Variants in ZNF518B observed in about 807,000 individuals in gnomAD.
The protein encoded by ZNF518B is zinc finger protein 518B.
ZNF518B carries 23 observed loss-of-function variants against 56.3 expected under a neutral mutation model. The observed-to-expected ratio is 0.41, with a 90% CI of 0.29 to 0.58. The LOEUF is 0.58. Among genes scored for constraint, ZNF518B ranks in the 20% least tolerant of loss-of-function variants. The pLI is 0.32. For synonymous variants in ZNF518B, 529 were observed against 465.9 expected (o/e 1.14, Z -1.74); for missense variants, 1,460 against 1,272.1 (o/e 1.15, Z -2.25).
At chr4:10,446,817 C>G (rs1577223313) in intron 2 of ZNF518B, among the ~76,000 whole-genome samples, 2 of 152,140 alleles carry the variant, frequency 1.3e-5, no homozygotes, top group African/African-American at 2.4e-5. Flanking sequence ...TTCAGGACAG[C>G]CTTTGGTCAG....
intron 2 of ZNF518B, chr4:10,451,588 G>C (rs1249741411): frequency 2.0e-5 from 3 of 150,224 alleles, no homozygotes; most frequent in Non-Finnish European, 4.5e-5. Flanking sequence ...CAATCACATA[G>C]TCAGAGGGGC....
chr4:10,443,231 T>C lies in ZNF518B; in HGVS notation c.3098A>G (p.Gln1033Arg). 1.2e-6 allele frequency: 2 copies of C among 1,614,230 alleles called. No homozygotes were observed. The highest frequency in any genetic ancestry group is 1.7e-6 in the Non-Finnish European group (2 of 1,180,028). ...ACAAAACCAGCACTTAAATACACAC[T>C]GTGAAGAATCATCAGGCAAGGAATC... ...VVDSLPDDSS[Q>R]CVFKCWFCGR... Residue 1033 changes from glutamine to arginine, a missense_variant, in exon 3 of 3, where the codon CAG becomes CGG. Coordinates refer to ENST00000326756, the MANE Select transcript of ZNF518B (RefSeq NM_053042.3).
At chr4:10,456,896 C>G (rs1165650168) in intron 1 of ZNF518B, among the ~76,000 whole-genome samples, 1 of 151,820 alleles carries the variant, frequency 6.6e-6, no homozygotes, top group Non-Finnish European at 1.5e-5. Flanking sequence ...GAGCGCAGGC[C>G]GGGCCAGCGG....
At chr4:10,451,251 A>G (rs990142847) in intron 2 of ZNF518B, 1 of 152,228 alleles carries the variant, frequency 6.6e-6, no homozygotes, top group Non-Finnish European at 1.5e-5. Context: ...AAAAAACATA[A>G]AAGACTGTGT....
chr4:10,443,385 G>A lies in ZNF518B; in HGVS notation c.2944C>T (p.Gln982Ter). 1 of 1,614,198 alleles carries A rather than the reference G, an allele frequency of 6.2e-7. No individual in the cohort carries two copies. The highest frequency in any genetic ancestry group is 1.1e-5 in the South Asian group (1 of 91,080). ...KVVLSERTRC[Q>*]LGIRRHHVRL... ...ACATGATGCCGTCTGATGCCTAGCTGACACCTAGTCCTCTCTGATAAAACA... is the reference window on the plus strand; with the variant it reads ...ACATGATGCCGTCTGATGCCTAGCTAACACCTAGTCCTCTCTGATAAAACA... The change falls in exon 3 of 3, where the codon CAG becomes TAG. Residue 982 changes from glutamine to a stop codon, truncating the protein, a stop_gained. Transcript: ENST00000326756. LOFTEE classifies it high-confidence loss of function.
Position 10,445,493 on chromosome 4 carries a change from G to C in ZNF518B, c.836C>G (p.Pro279Arg), listed in dbSNP as rs1457766178. 1.2e-6 allele frequency: 2 copies of C among 1,614,152 alleles called. No homozygotes were observed. The highest frequency in any genetic ancestry group is 2.2e-5 in the East Asian group (1 of 44,888). The change falls in exon 3 of 3, where the codon CCT (proline) becomes CGT (arginine). Residue 279 changes from proline to arginine, a missense_variant. Transcript: ENST00000326756. ...ATCTTTTTGGTATTCCTTTGGTTCAGGTAACAACATGATATTGTGCATTTT... is the reference window on the plus strand; with the variant it reads ...ATCTTTTTGGTATTCCTTTGGTTCACGTAACAACATGATATTGTGCATTTT... The part of the protein sequence containing the change: ...KDKMHNIMLL[P>R]EPKEYQKDVV...
rs1465097038 is a variant in ZNF518B at position 10,440,943 on chromosome 4, G to A, written c.*2161C>T. 1 of 151,338 alleles carries A rather than the reference G, an allele frequency of 6.6e-6. No individual in the cohort carries two copies. Among genetic ancestry groups the A allele is most frequent in the Non-Finnish European group, 1.5e-5 (1 of 67,860 alleles). 9.4% of individuals were successfully genotyped at this position (151,338 alleles called of 1,614,324 possible). A position where few individuals can be genotyped will look rare whatever the true frequency, so the allele number is the denominator to read the frequency against. ...GGGAGCTATTTTTCATGCCACAGGA[G>A]TACAATATATAACATGGATAAAACT... On this transcript the variant is annotated 3_prime_UTR_variant, in exon 3 of 3. Transcript: ENST00000326756.
upstream of ZNF518B, among the ~76,000 whole-genome samples, chr4:10,458,393 G>A (rs901561953): frequency 6.6e-6 from 1 of 152,230 alleles, no homozygotes; most frequent in Non-Finnish European, 1.5e-5. Context: ...GGCGGCCAAA[G>A]GTCGGCGTGC....
In ZNF518B at chr4:10,446,396, G is replaced by A. The variant is rs571681099; in HGVS notation, c.-68C>T. 8.1e-5 allele frequency: 118 copies of A among 1,455,806 alleles called. No homozygotes were observed. The African/African-American group carries it at 1.4e-3, about 17-fold the overall frequency. 90.2% of individuals were successfully genotyped at this position (1,455,806 alleles called of 1,614,324 possible). A position where few individuals can be genotyped will look rare whatever the true frequency, so the allele number is the denominator to read the frequency against. On this transcript the variant is annotated 5_prime_UTR_variant, in exon 3 of 3. Transcript: ENST00000326756. ...TTTTCACATGATAAAATCCTTAGGAGATATCCTTCTATACAGTTTGTGATG... is the reference window on the plus strand; with the variant it reads ...TTTTCACATGATAAAATCCTTAGGAAATATCCTTCTATACAGTTTGTGATG...
At chr4:10,459,152 CAA>C (rs1715664371), upstream of ZNF518B, among the ~76,000 whole-genome samples, 1 of 152,150 alleles carries the variant, frequency 6.6e-6, no homozygotes, top group Admixed American at 6.5e-5. Context: ...CAACATTAAA[CAA>C]GAGAAAGCAA....
At position 10,445,739 on chromosome 4, in the gene ZNF518B, T is replaced by C. The variant is rs1166410825; in HGVS notation, c.590A>G (p.Tyr197Cys). 6 of 1,614,200 alleles carry C rather than the reference T, an allele frequency of 3.7e-6. No homozygotes were observed. The highest frequency in any genetic ancestry group is 4.5e-5 in the East Asian group (2 of 44,886). Residue 197 changes from tyrosine (Y) to cysteine (C), a missense_variant, in exon 3 of 3, where the codon TAT becomes TGT. By Grantham distance (194) the Tyr-to-Cys change is radical. Coordinates refer to ENST00000326756, the MANE Select transcript of ZNF518B (RefSeq NM_053042.3). ...AATATAATCATTTCTAATAGCACCA[T>C]AGTCACAATACTCACACTGATAAGG... ...IFPYQCEYCD[Y>C]GAIRNDYIVK...
At position 10,445,222 on chromosome 4, in the gene ZNF518B, A is replaced by T. The variant is rs1714936486; in HGVS notation, c.1107T>A (p.Asn369Lys). Residue 369 changes from asparagine (N) to lysine (K), a missense_variant, in exon 3 of 3, where the codon AAT (asparagine) becomes AAA (lysine). Coordinates refer to ENST00000326756, the MANE Select transcript of ZNF518B (RefSeq NM_053042.3). ...TATCCCTCCCAGCTTCAAGGCAATTATTTTCTTCCAGCGGAAACAGTTTCA... is the reference window on the plus strand; with the variant it reads ...TATCCCTCCCAGCTTCAAGGCAATTTTTTTCTTCCAGCGGAAACAGTTTCA... ...LVLKLFPLEE[N>K]NCLEAGRDNG... is the part of the protein sequence containing the mutation. 6.2e-7 allele frequency: 1 copy of T among 1,614,158 alleles called. No homozygotes were observed. Among genetic ancestry groups the T allele is most frequent in the Non-Finnish European group, 8.5e-7 (1 of 1,180,042 alleles).
chr4:10,447,150 T>C (rs771908994), intron 2 of ZNF518B, among the ~76,000 whole-genome samples: 8 of 152,192 alleles, frequency 5.3e-5, no homozygotes, highest in Non-Finnish European at 8.8e-5. Flanking sequence ...TCAAAAGTGC[T>C]GTAAGGTAGT....
rs66538112 is a variant in ZNF518B, at chr4:10,445,544, C to T, written c.785G>A (p.Gly262Asp). 1 of 1,613,938 alleles carries T rather than the reference C, an allele frequency of 6.2e-7. No homozygotes were observed. Among genetic ancestry groups the T allele is most frequent in the African/African-American group, 1.3e-5 (1 of 74,960 alleles). ...GTCTTTATTTGCATGGAGAGAGAAA[C>T]CTGACAGTTGGTCTGACCACTTATT... ...FQNKWSDQLS[G>D]FSLHANKDKM... Residue 262 changes from glycine (G) to aspartate (D), a missense_variant, in exon 3 of 3, where the codon GGT becomes GAT. Gly to Asp is a moderately conservative substitution (Grantham distance 94). Coordinates refer to ENST00000326756, the MANE Select transcript of ZNF518B (RefSeq NM_053042.3).
intron 2 of ZNF518B, chr4:10,454,553 C>A (rs1044499233): frequency 6.6e-6 from 1 of 152,238 alleles, no homozygotes; most frequent in African/African-American, 2.4e-5. Context: ...TGGCCCAAGT[C>A]AGATGGAAAG....
upstream of ZNF518B, among the ~76,000 whole-genome samples, chr4:10,460,304 C>CAAAAA (rs1210892613): frequency 2.3e-4 from 2 of 8,792 alleles, no homozygotes; most frequent in Non-Finnish European, 3.2e-4. Flanking sequence ...GACTCTGTCT[C>CAAAAA]AAAAAAAAAA....
chr4:10,457,781 AGAG>A (rs1369962761), upstream of ZNF518B, among the ~76,000 whole-genome samples: 1 of 152,238 alleles, frequency 6.6e-6, no homozygotes, highest in Admixed American at 6.5e-5. Flanking sequence ...AAGCGAGAGA[AGAG>A]GAGCTCAGGT....
At chr4:10,458,149 G>A (rs1444844274), upstream of ZNF518B, among the ~76,000 whole-genome samples, 1 of 152,156 alleles carries the variant, frequency 6.6e-6, no homozygotes, top group Non-Finnish European at 1.5e-5. Flanking sequence ...CTACGGTCCG[G>A]AAGGAAGACA....
rs973112460 is a variant in ZNF518B, at chr4:10,446,324, T to A, written c.5A>T (p.Lys2Met). MKDIGQQLYTTH... is the reference protein window; with the variant it reads MMDIGQQLYTTH... ...AGTGTATAGCTGCTGTCCAATATCCTTCATCTTATCTGCATTTCTAAAAAG... is the reference window on the plus strand; with the variant it reads ...AGTGTATAGCTGCTGTCCAATATCCATCATCTTATCTGCATTTCTAAAAAG... The change falls in exon 3 of 3, where the codon AAG becomes ATG. Residue 2 changes from lysine to methionine, a missense_variant. Physicochemically the swap from Lys to Met is moderately conservative, Grantham distance 95 (BLOSUM62 -1). Coordinates refer to ENST00000326756, the MANE Select transcript of ZNF518B (RefSeq NM_053042.3). The A allele has an allele frequency of 8.1e-6, 13 of 1,604,338 alleles. No homozygotes were observed. In the African/African-American group the frequency reaches 1.6e-4, roughly 20 times the overall value.
Sources: allele counts gnomAD v4.1 joint callset (sites outside exome capture counted in the v4.1 genomes callset), GRCh38; gene constraint gnomAD v4.1.1; transcripts MANE v1.5; gene names NCBI Gene and HGNC (gene_info 2026-07-23, HGNC 2026-07-21).